Variants in TTBK2 observed in about 807,000 individuals in gnomAD.
TTBK2 encodes the protein tau-tubulin kinase 2.
In TTBK2, 28 loss-of-function variants were observed where a neutral mutation model predicts 110.8. The ratio of observed to expected loss-of-function variants is 0.25; its 90% CI spans 0.19 to 0.35. TTBK2 has a LOEUF of 0.35. Ranked by LOEUF, TTBK2 falls within the 10% of genes least tolerant of loss-of-function variation. The probability of loss-of-function intolerance (pLI) is 1.00; values close to 1 mark genes in which losing one functional copy is unlikely to be tolerated. For missense variants in TTBK2, 1,369 were observed against 1,500.3 expected (o/e 0.91, Z 1.45); for synonymous variants, 532 against 527.3 (o/e 1.01, Z -0.12).
At chr15:42,758,459 C>G (rs1449582255) in intron 13 of TTBK2, among the ~76,000 whole-genome samples, 1 of 151,956 alleles carries the variant, frequency 6.6e-6, no homozygotes, top group Admixed American at 6.6e-5. Flanking sequence ...AGTTCAAGAC[C>G]AGCCTGACCA....
At chr15:42,837,382 G>A (rs1893032590) in intron 4 of TTBK2, among the ~76,000 whole-genome samples, 1 of 150,636 alleles carries the variant, frequency 6.6e-6, no homozygotes, top group South Asian at 2.1e-4. Flanking sequence ...AAAAGGCCAG[G>A]CATGGTGGCT....
intron 2 of TTBK2, among the ~76,000 whole-genome samples, chr15:42,877,553 C>A (rs1296276088): frequency 1.3e-5 from 2 of 152,106 alleles, no homozygotes; most frequent in Non-Finnish European, 2.9e-5. Context: ...CAACTAATTA[C>A]AATATCCAGG....
intron 9 of TTBK2, chr15:42,802,114 T>C (rs1450996407): frequency 6.9e-7 from 1 of 1,458,028 alleles, no homozygotes; most frequent in Admixed American, 1.7e-5. Flanking sequence ...GAAAAACTTG[T>C]TGTTGAGGGT....
chr15:42,890,767 G>T (rs1354751373), intron 1 of TTBK2, among the ~76,000 whole-genome samples: 10 of 152,118 alleles, frequency 6.6e-5, no homozygotes, highest in Admixed American at 6.5e-4. Context: ...TACATGACTA[G>T]AACCTTCATC....
intron 13 of TTBK2, among the ~76,000 whole-genome samples, chr15:42,758,416 G>T (rs530767153): frequency 6.6e-6 from 1 of 152,212 alleles, no homozygotes; most frequent in South Asian, 2.1e-4. Context: ...AGCACTTTGG[G>T]AGGCCGAGGC....
At chr15:42,889,570 AT>A (rs1895373105) in intron 1 of TTBK2, among the ~76,000 whole-genome samples, 1 of 152,194 alleles carries the variant, frequency 6.6e-6, no homozygotes, top group African/African-American at 2.4e-5. Context: ...CAAGCAAGTA[AT>A]TACGCTAAAC....
chr15:42,874,578 A>T (rs1894738393), intron 2 of TTBK2, among the ~76,000 whole-genome samples: 1 of 151,570 alleles, frequency 6.6e-6, no homozygotes, highest in South Asian at 2.1e-4. Context: ...CTGCCTCCCA[A>T]AGTGCTGGGA....
intron 4 of TTBK2, among the ~76,000 whole-genome samples, chr15:42,834,584 T>C (rs549709998): frequency 3.3e-5 from 5 of 151,968 alleles, no homozygotes; most frequent in Non-Finnish European, 7.4e-5. Flanking sequence ...AGATCCAACA[T>C]GAAAGAAGCC....
intron 9 of TTBK2, among the ~76,000 whole-genome samples, chr15:42,798,473 C>T (rs28620320): frequency 0.24 from 35,824 of 152,006 alleles, 5,111 homozygotes; most frequent in African/African-American, 0.39. Context: ...ACTAGGGTAA[C>T]ATGTACCCCC....
Position 42,746,290 on chromosome 15 carries a change from T to A in TTBK2, c.3273-33A>T. 3 of 1,521,160 alleles carry A rather than the reference T, an allele frequency of 2.0e-6. 1 individual carries two copies. In the South Asian group the frequency reaches 3.6e-5, roughly 18 times the overall value. The allele number at this position is 1,521,160 out of a possible 1,614,324, so 94.2% of individuals were successfully genotyped here. On this transcript the variant is annotated intron_variant, in intron 14 of 14. Transcript: ENST00000267890. Reference sequence around the variant, plus strand: ...GAACAGAGAAAATATATTTTAATTTTAATTCATTTCAAGTGTGCCTAAAAA... The same window carrying A: ...GAACAGAGAAAATATATTTTAATTTAAATTCATTTCAAGTGTGCCTAAAAA...
rs917466002 is a variant in TTBK2 at position 42,753,213 on chromosome 15, T to C, written c.2033A>G (p.Gln678Arg). The C allele has an allele frequency of 1.2e-6, 2 of 1,613,086 alleles. No individual in the cohort carries two copies. The highest frequency in any genetic ancestry group is 1.7e-6 in the Non-Finnish European group (2 of 1,179,786). The stretch of plus-strand genomic sequence containing the variant: ...ACAGTGAAAGCTTCCTGAAGTTGAC[T>C]GTGTAGATGCCACAGAAGGTCTAGG... Reference protein sequence around the residue: ...TIPRPSVASTQSTSGSFHCGQ... With the variant: ...TIPRPSVASTRSTSGSFHCGQ... Residue 678 changes from glutamine to arginine, a missense_variant, in exon 14 of 15, where the codon CAG becomes CGG. This residue lies in a region of TTBK2 where 1,097 missense variants were observed against 1,114.7 expected (regional missense o/e 0.98). Transcript: ENST00000267890.
chr15:42,879,944 C>T (rs1429564516), intron 1 of TTBK2, among the ~76,000 whole-genome samples: 1 of 148,688 alleles, frequency 6.7e-6, no homozygotes, highest in Non-Finnish European at 1.5e-5. Flanking sequence ...TTGCAGTGAG[C>T]TGTGAAGGTG....
intron 6 of TTBK2, among the ~76,000 whole-genome samples, chr15:42,823,262 A>G (rs1231655280): frequency 6.6e-6 from 1 of 152,210 alleles, no homozygotes; most frequent in Non-Finnish European, 1.5e-5. Context: ...GGAATGCCTT[A>G]AAAGCAGGAT....
At chr15:42,861,831 T>C (rs908078166) in intron 3 of TTBK2, among the ~76,000 whole-genome samples, 9 of 152,024 alleles carry the variant, frequency 5.9e-5, no homozygotes, top group African/African-American at 1.2e-4. Flanking sequence ...ATAAACAAGA[T>C]TGACAGCACT....
At chr15:42,816,940 ATATAT>A in intron 7 of TTBK2, 87 bp downstream of exon 7, 1 of 582,642 alleles carries the variant, frequency 1.7e-6, no homozygotes. Flanking sequence ...ATATATATAT[ATATAT>A]AAAATAATAA....
At chr15:42,919,426 T>C (rs1408689004) in intron 1 of TTBK2, among the ~76,000 whole-genome samples, 2 of 152,232 alleles carry the variant, frequency 1.3e-5, no homozygotes, top group African/African-American at 2.4e-5. Context: ...CTTTGTGTTA[T>C]ACTGTGGCAA....
rs934203162 is a variant in TTBK2, at chr15:42,741,258, G to A, written c.*4537C>T. On this transcript the variant is annotated 3_prime_UTR_variant, in exon 15 of 15. Coordinates refer to ENST00000267890, the MANE Select transcript of TTBK2 (RefSeq NM_173500.4). ...GTAGGATGTCCCAACACCCTCTGAG[G>A]GTTTTCATGCATTAATCCCGCCATA... The A allele has an allele frequency of 1.3e-5, 2 of 152,198 alleles. No individual in the cohort carries two copies. Among genetic ancestry groups the A allele is most frequent in the African/African-American group, 4.8e-5 (2 of 41,444 alleles). The allele number at this position is 152,198 out of a possible 1,614,324, so 9.4% of individuals were successfully genotyped here.
chr15:42,824,178 C>A (rs992145432), intron 6 of TTBK2, among the ~76,000 whole-genome samples: 1 of 152,176 alleles, frequency 6.6e-6, no homozygotes, highest in African/African-American at 2.4e-5. Context: ...GACCCAAACC[C>A]TGCCCATTAG....
intron 11 of TTBK2, among the ~76,000 whole-genome samples, chr15:42,778,576 G>A (rs931524137): frequency 2.0e-5 from 3 of 152,192 alleles, no homozygotes; most frequent in African/African-American, 7.2e-5. Context: ...GCTGAGGCAG[G>A]AGAATCACTT....
Sources: gnomAD v4.1 joint callset for allele counts (sites outside exome capture counted in the v4.1 genomes callset) on GRCh38, gnomAD v4.1.1 for gene constraint, gnomAD v4.1.1 regional missense constraint, MANE v1.5 for transcripts, NCBI Gene and HGNC (gene_info 2026-07-23, HGNC 2026-07-21) for gene names.